Variants in PPP5C observed in about 807,000 individuals in gnomAD.
The protein encoded by PPP5C is serine/threonine-protein phosphatase 5.
A neutral mutation model predicts 66.7 loss-of-function variants in PPP5C; 21 were observed. The observed-to-expected ratio is 0.31, with a 90% CI of 0.22 to 0.45. PPP5C has a LOEUF of 0.45. Among genes scored for constraint, PPP5C ranks in the 20% least tolerant of loss-of-function variants. The pLI is 1.00. For missense variants in PPP5C, 464 were observed against 675.9 expected (o/e 0.69, Z 3.48); for synonymous variants, 246 against 257.4 (o/e 0.96, Z 0.43).
rs73940699 is a variant in PPP5C, at chr19:46,374,029, G to A, written c.364-1575G>A. On this transcript the variant is annotated intron_variant, in intron 2 of 12. Transcript: ENST00000012443. ...CCACATGCTGGTTTGGATGCCAGCC[G>A]GGTGTGGGCACATAACCACTCCTCA... 6.1e-3 allele frequency among the ~76,000 whole-genome samples: 929 copies of A among 152,290 alleles called. 12 individuals are homozygous for A. The highest frequency in any genetic ancestry group is 0.02 in the African/African-American group (838 of 41,550).
At chr19:46,354,844 GAT>G (rs1020068744) in intron 2 of PPP5C, among the ~76,000 whole-genome samples, 5 of 151,764 alleles carry the variant, frequency 3.3e-5, no homozygotes, top group Admixed American at 1.3e-4. Flanking sequence ...CAGCAGACAG[GAT>G]ATGTGTGATA....
intron 2 of PPP5C, among the ~76,000 whole-genome samples, chr19:46,367,165 G>A (rs577381841): frequency 3.3e-5 from 5 of 152,278 alleles, no homozygotes; most frequent in South Asian, 2.1e-4. Context: ...ACTCCCATCC[G>A]GCCCTTGGGA....
chr19:46,355,310 C>A (rs1972265916), intron 2 of PPP5C, among the ~76,000 whole-genome samples: 1 of 152,196 alleles, frequency 6.6e-6, no homozygotes, highest in Non-Finnish European at 1.5e-5. Flanking sequence ...TCCCTCCTTC[C>A]CTTGCAACCA....
intron 4 of PPP5C, chr19:46,382,771 T>C: frequency 1.0e-6 from 1 of 986,774 alleles, no homozygotes; most frequent in Non-Finnish European, 1.2e-6. Flanking sequence ...AATTCATCAT[T>C]GATGTGATAA....
Position 46,390,110 on chromosome 19 carries a change from A to C in PPP5C, c.1415A>C (p.Gln472Pro). 1 of 1,614,016 alleles carries C rather than the reference A, an allele frequency of 6.2e-7. No individual in the cohort carries two copies. Among genetic ancestry groups the C allele is most frequent in the Non-Finnish European group, 8.5e-7 (1 of 1,179,970 alleles). ...IHLQGSDLRP[Q>P]FHQFTAVPHP... ...CTCCAGGGCTCTGACCTACGGCCTC[A>C]GTTCCACCAGTTCACAGCAGTGGTG... The change falls in exon 12 of 13, where the codon CAG becomes CCG. Residue 472 changes from glutamine (Q) to proline (P), a missense_variant. This residue lies in a region of PPP5C where 387 missense variants were observed against 626.0 expected (regional missense o/e 0.62). Transcript: ENST00000012443.
intron 2 of PPP5C, among the ~76,000 whole-genome samples, chr19:46,374,860 GC>G (rs1972664234): frequency 6.6e-6 from 1 of 152,180 alleles, no homozygotes. Flanking sequence ...CCACAGAGAG[GC>G]AGACTCACCT....
At chr19:46,389,354 CATCTCAAA>C (rs1490118850) in intron 11 of PPP5C, among the ~76,000 whole-genome samples, 37 of 137,362 alleles carry the variant, frequency 2.7e-4, no homozygotes, top group African/African-American at 1.0e-3. Flanking sequence ...AGTAAGACTC[CATCTCAAA>C]ACACACACAC....
chr19:46,383,470 C>T lies in PPP5C; in HGVS notation c.693C>T (p.Leu231=), dbSNP rs1483186536. Residue 231 remains leucine, a synonymous_variant, in exon 5 of 13, where the codon CTC becomes CTT. Coordinates refer to ENST00000012443, the MANE Select transcript of PPP5C (RefSeq NM_006247.4). This position sits in a 1 kb window ranked among gnomAD's most constrained non-coding sequence, Gnocchi z 5.0. ...SKLSTLVETT[L]KETEKITVCG... is the part of the protein sequence containing the mutation. Reference sequence around the variant, plus strand: ...TGAGCACGCTCGTGGAAACCACACTCAAAGAGGTGCGCGTTGTGGGGCAGT... The same window carrying T: ...TGAGCACGCTCGTGGAAACCACACTTAAAGAGGTGCGCGTTGTGGGGCAGT... 3 of 1,604,090 alleles carry T rather than the reference C, an allele frequency of 1.9e-6. No individual in the cohort carries two copies. Among genetic ancestry groups the T allele is most frequent in the Admixed American group, 1.7e-5 (1 of 59,618 alleles).
intron 2 of PPP5C, among the ~76,000 whole-genome samples, chr19:46,355,937 A>G (rs1972278157): frequency 1.3e-5 from 2 of 152,082 alleles, no homozygotes; most frequent in Admixed American, 1.3e-4. Flanking sequence ...GGTAAGGAGC[A>G]GGGGCTGCAG....
At chr19:46,377,513 A>G (rs907771257) in intron 4 of PPP5C, among the ~76,000 whole-genome samples, 9 of 152,176 alleles carry the variant, frequency 5.9e-5, no homozygotes, top group South Asian at 4.1e-4. Flanking sequence ...TTTTTAATTG[A>G]AGTATAATTA....
At chr19:46,352,406 G>A (rs1347504319) in intron 1 of PPP5C, among the ~76,000 whole-genome samples, 1 of 152,202 alleles carries the variant, frequency 6.6e-6, no homozygotes, top group Admixed American at 6.5e-5. Context: ...CAGAGCTAGG[G>A]ACTGGGCCCA....
In PPP5C at chr19:46,383,956, G is replaced by A. The variant is rs1173560053; in HGVS notation, c.798+78G>A. On this transcript the variant is annotated intron_variant, in intron 6 of 12. Coordinates refer to ENST00000012443, the MANE Select transcript of PPP5C (RefSeq NM_006247.4). This position sits in a 1 kb window ranked among gnomAD's most constrained non-coding sequence, Gnocchi z 5.0. ...CTCAGGTCTGCACAGAGTGGGAGGA[G>A]CCCTTGCCAGGAAAAGACGTGACCT... The A allele has an allele frequency of 1.7e-6, 2 of 1,206,316 alleles. No individual in the cohort carries two copies. The highest frequency in any genetic ancestry group is 4.7e-5 in the East Asian group (2 of 42,814). 74.7% of individuals were successfully genotyped at this position (1,206,316 alleles called of 1,614,324 possible).
At chr19:46,370,248 G>A (rs1158001256) in intron 2 of PPP5C, among the ~76,000 whole-genome samples, 3 of 152,074 alleles carry the variant, frequency 2.0e-5, no homozygotes, top group African/African-American at 7.2e-5. Flanking sequence ...ATATACACCT[G>A]TACAAAAATA....
intron 2 of PPP5C, among the ~76,000 whole-genome samples, chr19:46,370,026 G>T (rs886344583): frequency 6.6e-6 from 1 of 152,096 alleles, no homozygotes; most frequent in Non-Finnish European, 1.5e-5. Context: ...GAGTCAGTGC[G>T]TGAGTGGTGA....
chr19:46,385,736 C>T (rs958490955), intron 7 of PPP5C, among the ~76,000 whole-genome samples: 1 of 150,830 alleles, frequency 6.6e-6, no homozygotes, highest in Non-Finnish European at 1.5e-5. Flanking sequence ...GCCGAGATTG[C>T]GCCACTGCAC....
At chr19:46,367,419 G>C (rs916365266) in intron 2 of PPP5C, among the ~76,000 whole-genome samples, 4 of 152,214 alleles carry the variant, frequency 2.6e-5, no homozygotes, top group Non-Finnish European at 4.4e-5. Context: ...AGTTTGAGAA[G>C]ATGCTGACAG....
chr19:46,387,776 T>A, intron 9 of PPP5C: 2 of 1,251,118 alleles, frequency 1.6e-6, no homozygotes, highest in Non-Finnish European at 1.0e-6. Flanking sequence ...CGGGCACACT[T>A]CAGAGAGTTC....
intron 2 of PPP5C, among the ~76,000 whole-genome samples, chr19:46,357,450 C>G (rs1972306366): frequency 6.6e-6 from 1 of 152,182 alleles, no homozygotes; most frequent in Non-Finnish European, 1.5e-5. Context: ...GGCAACCAAG[C>G]AGTCGATTCT....
At chr19:46,379,440 G>A (rs1054254156) in intron 4 of PPP5C, among the ~76,000 whole-genome samples, 1 of 151,906 alleles carries the variant, frequency 6.6e-6, no homozygotes, top group Non-Finnish European at 1.5e-5. Context: ...CACCCACCTC[G>A]GCCTCCTAAA....
Sources: gnomAD v4.1 joint callset for allele counts (sites outside exome capture counted in the v4.1 genomes callset) on GRCh38, gnomAD v4.1.1 for gene constraint, gnomAD v4.1.1 regional missense constraint, Gnocchi (gnomAD v3.1) non-coding constraint, MANE v1.5 for transcripts, NCBI Gene and HGNC (gene_info 2026-07-23, HGNC 2026-07-21) for gene names.